PSEN1: variants seen among roughly 807,000 people sequenced by gnomAD.
PSEN1 encodes the protein presenilin 1.
In PSEN1, 15 loss-of-function variants were observed where a neutral mutation model predicts 53.5. The ratio of observed to expected loss-of-function variants is 0.28; its 90% CI spans 0.19 to 0.43. The LOEUF is 0.43. Among genes scored for constraint, PSEN1 ranks in the 20% least tolerant of loss-of-function variants. The pLI is 1.00. For synonymous variants in PSEN1, 208 were observed against 209.8 expected (o/e 0.99, Z 0.08); for missense variants, 387 against 571.2 (o/e 0.68, Z 3.29).
intron 3 of PSEN1, among the ~76,000 whole-genome samples, chr14:73,157,678 G>A (rs1273583879): frequency 6.6e-6 from 1 of 151,940 alleles, no homozygotes; most frequent in Non-Finnish European, 1.5e-5. Context: ...ACCGCGCGCA[G>A]CCATTTACTA....
intron 5 of PSEN1, among the ~76,000 whole-genome samples, chr14:73,181,855 C>G (rs926379685): frequency 2.0e-5 from 3 of 152,070 alleles, no homozygotes; most frequent in Non-Finnish European, 2.9e-5. Context: ...CTCACTGCAC[C>G]CTATACCTCC....
At chr14:73,205,088 A>G (rs925732061) in intron 8 of PSEN1, among the ~76,000 whole-genome samples, 6 of 152,222 alleles carry the variant, frequency 3.9e-5, no homozygotes, top group African/African-American at 1.2e-4. Context: ...TGTTTCTTTC[A>G]TAAGTTCTTC....
Position 73,217,148 on chromosome 14 carries a change from A to T in PSEN1, c.1152A>T (p.Gly384=). 1 of 1,613,978 alleles carries T rather than the reference A, an allele frequency of 6.2e-7. No individual in the cohort carries two copies. The highest frequency in any genetic ancestry group is 1.1e-5 in the South Asian group (1 of 91,082). Reference sequence around the variant, plus strand: ...TAGGGGGAGTAAAACTTGGATTGGGAGATTTCATTTTCTACAGTGTTCTGG... The same window carrying T: ...TAGGGGGAGTAAAACTTGGATTGGGTGATTTCATTTTCTACAGTGTTCTGG... ...PEERGVKLGL[G]DFIFYSVLVG... The change falls in exon 11 of 12, where the codon GGA becomes GGT. Residue 384 remains glycine (G), a synonymous_variant. Coordinates refer to ENST00000324501, the MANE Select transcript of PSEN1 (RefSeq NM_000021.4).
intron 5 of PSEN1, among the ~76,000 whole-genome samples, chr14:73,175,008 C>G (rs1357219270): frequency 1.3e-5 from 2 of 152,146 alleles, no homozygotes; most frequent in Non-Finnish European, 2.9e-5. Flanking sequence ...CTTTTAAGGT[C>G]ATTTTCAAAT....
intron 3 of PSEN1, among the ~76,000 whole-genome samples, chr14:73,170,506 G>A (rs1235637291): frequency 6.6e-6 from 1 of 152,218 alleles, no homozygotes; most frequent in South Asian, 2.1e-4. Context: ...TTTTCATGCA[G>A]GTGTCAGTAT....
At chr14:73,162,423 G>A (rs1041508365) in intron 3 of PSEN1, among the ~76,000 whole-genome samples, 2 of 149,764 alleles carry the variant, frequency 1.3e-5, no homozygotes, top group Non-Finnish European at 1.5e-5. Context: ...GCATGCTCTC[G>A]TTCTCTCTCT....
chr14:73,213,645 C>T (rs1433354770), intron 10 of PSEN1, among the ~76,000 whole-genome samples: 1 of 152,156 alleles, frequency 6.6e-6, no homozygotes, highest in Non-Finnish European at 1.5e-5. Context: ...TCTTCTAAAG[C>T]AATCTGTTAA....
chr14:73,202,066 G>A (rs910333564), intron 8 of PSEN1, among the ~76,000 whole-genome samples: 1 of 151,210 alleles, frequency 6.6e-6, no homozygotes, highest in Non-Finnish European at 1.5e-5. Context: ...TTATTTTTGA[G>A]GTAAGTCTTG....
At chr14:73,187,270 TG>T (rs1898552898) in intron 6 of PSEN1, among the ~76,000 whole-genome samples, 1 of 152,232 alleles carries the variant, frequency 6.6e-6, no homozygotes, top group Non-Finnish European at 1.5e-5. Flanking sequence ...ACTTCTATAT[TG>T]TTTTTTATCA....
chr14:73,173,470 G>T, intron 4 of PSEN1, 96 bp from the exon 5 acceptor site: 1 of 1,280,322 alleles, frequency 7.8e-7, no homozygotes, highest in Non-Finnish European at 1.1e-6. Flanking sequence ...GATACGAATT[G>T]AATTAAGAAA....
intron 6 of PSEN1, among the ~76,000 whole-genome samples, chr14:73,190,212 G>T (rs1898664509): frequency 1.3e-5 from 2 of 152,182 alleles, no homozygotes. Flanking sequence ...TTAAGGCTGG[G>T]TGTGGTGGCT....
intron 10 of PSEN1, among the ~76,000 whole-genome samples, chr14:73,216,740 CAG>C (rs1307645381): frequency 2.0e-5 from 3 of 147,878 alleles, no homozygotes; most frequent in African/African-American, 5.0e-5. Flanking sequence ...GCCTGGGCCA[CAG>C]AGCAAAACTC....
chr14:73,185,798 C>T (rs548852446), intron 5 of PSEN1, among the ~76,000 whole-genome samples: 145 of 152,204 alleles, frequency 9.5e-4, no homozygotes, highest in Non-Finnish European at 1.7e-3. Flanking sequence ...ATCCGCCTGC[C>T]GTGGCCTCCC....
intron 8 of PSEN1, chr14:73,206,036 C>A (rs768701900): frequency 1.5e-5 from 4 of 262,380 alleles, no homozygotes; most frequent in Non-Finnish European, 3.0e-5. Context: ...TTGTGAGCTC[C>A]AGTTTGTCCT....
intron 3 of PSEN1, among the ~76,000 whole-genome samples, chr14:73,167,533 G>A (rs1897752723): frequency 6.6e-6 from 1 of 152,068 alleles, no homozygotes; most frequent in East Asian, 1.9e-4. Context: ...ACCTCCTAAA[G>A]GCCTCACCTC....
At chr14:73,184,689 G>C (rs1168065074) in intron 5 of PSEN1, among the ~76,000 whole-genome samples, 2 of 150,616 alleles carry the variant, frequency 1.3e-5, no homozygotes, top group African/African-American at 4.9e-5. Context: ...TGGCGGGGCG[G>C]GGGGCTGACC....
At chr14:73,165,960 G>T (rs1457144252) in intron 3 of PSEN1, among the ~76,000 whole-genome samples, 1 of 151,980 alleles carries the variant, frequency 6.6e-6, no homozygotes, top group East Asian at 1.9e-4. Context: ...GGAGGCTGAC[G>T]CGGGAGAATT....
chr14:73,198,105 CT>C lies in PSEN1; in HGVS notation c.849del (p.Pro284GlnfsTer13). 6.2e-7 allele frequency: 1 copy of C among 1,608,608 alleles called. No homozygotes were observed. On this transcript the variant is annotated frameshift_variant, in exon 8 of 12. Coordinates refer to ENST00000324501, the MANE Select transcript of PSEN1 (RefSeq NM_000021.4). LOFTEE classifies it high-confidence loss of function. ...AACAGCTCAGGAGAGAAATGAAACG[CT>C]TTTTCCAGCTCTCATTTACTCCTGT... ...VETAQERNETLFPALIYSSTM... is the reference protein window; with the variant it reads ...VETAQERNETXFPALIYSSTM...
At chr14:73,148,486 T>C (rs768887785) in intron 3 of PSEN1, among the ~76,000 whole-genome samples, 7 of 152,226 alleles carry the variant, frequency 4.6e-5, no homozygotes, top group Non-Finnish European at 8.8e-5. Flanking sequence ...TCATTATGAT[T>C]GTACAATGCA....
Sources: allele counts gnomAD v4.1 joint callset (sites outside exome capture counted in the v4.1 genomes callset), GRCh38; gene constraint gnomAD v4.1.1; transcripts MANE v1.5; gene names NCBI Gene and HGNC (gene_info 2026-07-23, HGNC 2026-07-21).